Variants in CDK15 observed in about 807,000 individuals in gnomAD.
CDK15 encodes cyclin dependent kinase 15.
Under a neutral mutation model 60.3 loss-of-function variants are expected in CDK15, and 62 were observed. The ratio of observed to expected loss-of-function variants is 1.03; its 90% CI spans 0.84 to 1.27. CDK15 has a LOEUF of 1.27. Ranked by LOEUF, CDK15 falls within the 50% of genes most tolerant of loss-of-function variation. The pLI is 0.00. For synonymous variants in CDK15, 194 were observed against 195.7 expected (o/e 0.99, Z 0.07); for missense variants, 541 against 527.8 (o/e 1.03, Z -0.25).
chr2:201,828,723 C>A (rs917807968), intron 6 of CDK15, among the ~76,000 whole-genome samples: 1 of 152,154 alleles, frequency 6.6e-6, no homozygotes, highest in Admixed American at 6.5e-5. Context: ...AGCATCCATG[C>A]CCATCCCAGG....
chr2:201,835,114 A>G (rs1162668166), intron 7 of CDK15, among the ~76,000 whole-genome samples: 1 of 152,176 alleles, frequency 6.6e-6, no homozygotes. Flanking sequence ...AGTTTCTGTT[A>G]CAGAGACCCA....
intron 4 of CDK15, among the ~76,000 whole-genome samples, chr2:201,821,972 C>T (rs1559117970): frequency 6.6e-6 from 1 of 152,252 alleles, no homozygotes; most frequent in East Asian, 1.9e-4. Context: ...TGCGCTACCA[C>T]GCCCGGCCTC....
At chr2:201,890,368 T>C (rs931050544) in intron 12 of CDK15, among the ~76,000 whole-genome samples, 3 of 152,244 alleles carry the variant, frequency 2.0e-5, no homozygotes, top group African/African-American at 7.2e-5. Flanking sequence ...AGTCCTTCAC[T>C]ATTGAGGGCA....
chr2:201,872,043 T>C (rs1057019850), intron 10 of CDK15, among the ~76,000 whole-genome samples: 23 of 152,248 alleles, frequency 1.5e-4, no homozygotes, highest in African/African-American at 5.3e-4. Flanking sequence ...TAATTGGGGT[T>C]AGGACTTCAA....
At position 201,861,565 on chromosome 2, in the gene CDK15, C is replaced by CTT. The variant is rs869051401; in HGVS notation, c.1009+6642_1009+6643dup. The CTT allele has an allele frequency of 7.9e-4, 576 of 731,498 alleles. 2 individuals are homozygous for CTT. The highest frequency in any genetic ancestry group is 2.4e-3 in the African/African-American group (93 of 38,326). 45.3% of individuals were successfully genotyped at this position (731,498 alleles called of 1,614,324 possible). On this transcript the variant is annotated intron_variant, in intron 10 of 13. Coordinates refer to ENST00000652192, the MANE Select transcript of CDK15 (RefSeq NM_001366386.2). ...TTTGTTGGTTTGTTTTTTTTTTTTT[C>CTT]TTTTTTTTTTTTTTTAGATGAAGTC...
chr2:201,822,664 C>T (rs188027306), intron 4 of CDK15, 145 bp from the exon 5 acceptor site: 22 of 531,424 alleles, frequency 4.1e-5, no homozygotes, highest in African/African-American at 4.0e-4. Context: ...TTTAAATATT[C>T]TTTTGCCACA....
At chr2:201,888,984 G>C in intron 12 of CDK15, 1 of 985,932 alleles carries the variant, frequency 1.0e-6, no homozygotes, top group Non-Finnish European at 1.2e-6. Context: ...TATAATATCC[G>C]TGTGAAAATG....
rs1381202948 is a variant in CDK15 at position 201,862,386 on chromosome 2, C to A, written c.1009+7449C>A. 3.3e-5 allele frequency among the ~76,000 whole-genome samples: 5 copies of A among 152,208 alleles called. No individual in the cohort carries two copies. The East Asian group carries it at 9.6e-4, about 29-fold the overall frequency. On this transcript the variant is annotated intron_variant, in intron 10 of 13. Coordinates refer to ENST00000652192, the MANE Select transcript of CDK15 (RefSeq NM_001366386.2). Reference sequence around the variant, plus strand: ...CTTCTAGTGCTTCTAGTATTTTACACAAGCCCCCTACCTGGCACATAATAA... The same window carrying A: ...CTTCTAGTGCTTCTAGTATTTTACAAAAGCCCCCTACCTGGCACATAATAA...
intron 9 of CDK15, 118 bp from the exon 10 acceptor site, chr2:201,854,756 G>C: frequency 1.3e-6 from 1 of 776,094 alleles, no homozygotes; most frequent in Admixed American, 2.2e-5. Flanking sequence ...TCATGCAATG[G>C]GACATACATC....
At chr2:201,864,421 G>T (rs531947782) in intron 10 of CDK15, among the ~76,000 whole-genome samples, 3 of 152,324 alleles carry the variant, frequency 2.0e-5, no homozygotes, top group Non-Finnish European at 4.4e-5. Context: ...GGGTTCAAGT[G>T]ATTCTCGTGC....
intron 11 of CDK15, among the ~76,000 whole-genome samples, chr2:201,879,119 T>G (rs1356348779): frequency 6.6e-6 from 1 of 152,108 alleles, no homozygotes; most frequent in Non-Finnish European, 1.5e-5. Context: ...CATCTCCAGA[T>G]ATATATTTCA....
intron 6 of CDK15, among the ~76,000 whole-genome samples, chr2:201,824,015 G>A (rs528081214): frequency 3.3e-5 from 5 of 152,202 alleles, no homozygotes; most frequent in African/African-American, 7.2e-5. Flanking sequence ...ATGAATAAAC[G>A]AGTGAAGGAG....
At chr2:201,868,784 A>G (rs560928211) in intron 10 of CDK15, among the ~76,000 whole-genome samples, 187 of 152,350 alleles carry the variant, frequency 1.2e-3, no homozygotes, top group African/African-American at 4.3e-3. Flanking sequence ...AAAAATGTTC[A>G]TCATCACTGG....
intron 2 of CDK15, 29 bp downstream of exon 2, chr2:201,807,672 A>G (rs770969647): frequency 6.9e-5 from 111 of 1,613,500 alleles, no homozygotes; most frequent in Non-Finnish European, 9.3e-5. Context: ...TTGATCAAGA[A>G]GAATTTAATG....
intron 8 of CDK15, among the ~76,000 whole-genome samples, chr2:201,844,141 A>G (rs1219443553): frequency 6.6e-6 from 1 of 152,240 alleles, no homozygotes; most frequent in East Asian, 1.9e-4. Context: ...GGAACTGGAT[A>G]GAGGGTTAGT....
intron 11 of CDK15, among the ~76,000 whole-genome samples, chr2:201,873,857 A>C (rs60461468): frequency 4.6e-5 from 7 of 152,000 alleles, no homozygotes; most frequent in Admixed American, 4.6e-4. Context: ...GTTCAAGACC[A>C]GCCTGGCCAA....
chr2:201,863,855 T>C (rs11893673), intron 10 of CDK15, among the ~76,000 whole-genome samples: 23,751 of 152,130 alleles, frequency 0.16, 3,131 homozygotes, highest in African/African-American at 0.36. Flanking sequence ...AAGATCATGC[T>C]GCTGCACTCT....
intron 10 of CDK15, among the ~76,000 whole-genome samples, chr2:201,872,036 T>C (rs1271014039): frequency 1.3e-5 from 2 of 152,118 alleles, no homozygotes; most frequent in African/African-American, 2.4e-5. Context: ...TCTAAAGTAA[T>C]TGGGGTTAGG....
Position 201,882,874 on chromosome 2 carries a change from G to T in CDK15, c.1198+2707G>T, listed in dbSNP as rs1245556769. 6.6e-6 allele frequency among the ~76,000 whole-genome samples: 1 copy of T among 152,224 alleles called. No individual in the cohort carries two copies. Among genetic ancestry groups the T allele is most frequent in the Non-Finnish European group, 1.5e-5 (1 of 68,044 alleles). ...ACCACCAGCACATTATCTACTAAGA[G>T]ATGCGGTCCTTGGCCTGGCAGTGCC... On this transcript the variant is annotated intron_variant, in intron 12 of 13. Coordinates refer to ENST00000652192, the MANE Select transcript of CDK15 (RefSeq NM_001366386.2). The surrounding 1 kb of genome is among the most constrained non-coding windows in gnomAD (Gnocchi z 4.0).
Sources: allele counts gnomAD v4.1 joint callset (sites outside exome capture counted in the v4.1 genomes callset), GRCh38; gene constraint gnomAD v4.1.1; non-coding constraint Gnocchi (gnomAD v3.1); transcripts MANE v1.5; gene names NCBI Gene and HGNC (gene_info 2026-07-23, HGNC 2026-07-21).